Variants in DMBT1 observed in about 807,000 individuals in gnomAD.
The protein encoded by DMBT1 is scavenger receptor cysteine-rich domain-containing protein DMBT1.
DMBT1 carries 198 observed loss-of-function variants against 252.9 expected under a neutral mutation model. The ratio of observed to expected loss-of-function variants is 0.78; its 90% CI spans 0.70 to 0.88. DMBT1 has a LOEUF of 0.88. DMBT1 is among the 40% of genes least tolerant of loss of function. DMBT1 has a pLI of 0.00. For missense variants in DMBT1, 2,432 were observed against 2,404.7 expected, an observed-to-expected ratio of 1.01 and a Z score of -0.24; for synonymous variants, 990 against 942.7, an observed-to-expected ratio of 1.05 and a Z score of -0.92.
chr10:122,568,596 T>A (rs528879512), intron 2 of DMBT1, among the ~76,000 whole-genome samples: 105 of 152,258 alleles, frequency 6.9e-4, no homozygotes, highest in Non-Finnish European at 1.1e-3. Context: ...TCACTGCAGG[T>A]CTGCCTCTGA....
chr10:122,572,391 G>A (rs768857442), intron 5 of DMBT1, 30 bp downstream of exon 5: 12 of 1,609,488 alleles, frequency 7.5e-6, no homozygotes, highest in African/African-American at 1.3e-5. Context: ...AGCTCTATGG[G>A]CTCATTACCC....
chr10:122,567,008 C>G (rs1453648169), intron 2 of DMBT1, among the ~76,000 whole-genome samples: 1 of 152,234 alleles, frequency 6.6e-6, no homozygotes, highest in Non-Finnish European at 1.5e-5. Flanking sequence ...GTCCCTGCCT[C>G]TCCAGTGAGA....
chr10:122,579,700 G>A lies in DMBT1; in HGVS notation c.802G>A (p.Ala268Thr), dbSNP rs771172162. Reference protein sequence around the residue: ...VCDDYWDTNDANVVCRQLGCG... With the variant: ...VCDDYWDTNDTNVVCRQLGCG... ...TGATGACTACTGGGACACCAATGAT[G>A]CCAATGTGGTCTGCAGGCAGCTGGG... is the stretch of plus-strand genomic sequence containing the variant. Residue 268 changes from alanine to threonine, a missense_variant, in exon 10 of 56, where the codon GCC becomes ACC. Coordinates refer to ENST00000338354, the MANE Select transcript of DMBT1 (RefSeq NM_001377530.1). 60 of 1,613,744 alleles carry A rather than the reference G, an allele frequency of 3.7e-5. No individual in the cohort carries two copies. Among genetic ancestry groups the A allele is most frequent in the Non-Finnish European group, 4.8e-5 (57 of 1,179,816 alleles).
chr10:122,600,509 C>T (rs201006852), intron 27 of DMBT1, among the ~76,000 whole-genome samples: 32 of 152,292 alleles, frequency 2.1e-4, no homozygotes, highest in Non-Finnish European at 3.1e-4. Context: ...GGAAACATTC[C>T]GAGATTATCA....
Position 122,590,680 on chromosome 10 carries a change from C to T in DMBT1, c.2123C>T (p.Ser708Leu), listed in dbSNP as rs1339434636. 33 of 1,587,730 alleles carry T rather than the reference C, an allele frequency of 2.1e-5. 1 individual carries two copies. Among genetic ancestry groups the T allele is most frequent in the African/African-American group, 9.4e-5 (7 of 74,458 alleles). ...GVICSAAQSR[S>L]TPRPDTLSTI... ...TTTCTCACAGCTGCCCAGTCCCGGTCGACGCCCAGGCCAGGTGAGTCCCCA... is the reference window on the plus strand; with the variant it reads ...TTTCTCACAGCTGCCCAGTCCCGGTTGACGCCCAGGCCAGGTGAGTCCCCA... The change falls in exon 18 of 56, where the codon TCG becomes TTG. Residue 708 changes from serine (S) to leucine (L), a missense_variant. Physicochemically the swap from Ser to Leu is moderately radical, Grantham distance 145. Around this residue, in one of 3 missense-constraint regions of DMBT1, gnomAD observed 1,264 missense variants for 1,082.2 expected, o/e 1.17. Transcript: ENST00000338354.
chr10:122,630,963 G>A lies in DMBT1; in HGVS notation c.6028G>A (p.Ala2010Thr), dbSNP rs2098160165. The A allele has an allele frequency of 2.5e-6, 4 of 1,593,324 alleles. No individual in the cohort carries two copies. The highest frequency in any genetic ancestry group is 1.1e-5 in the South Asian group (1 of 89,064). Reference protein sequence around the residue: ...LAWYNSFPSDATLRLVNLNSS... With the variant: ...LAWYNSFPSDTTLRLVNLNSS... Reference sequence around the variant, plus strand: ...CTCTCAGTTAATGTGTCTTTCAGATGCCACCTTGAGGTTGGTCAATTTAAA... The same window carrying A: ...CTCTCAGTTAATGTGTCTTTCAGATACCACCTTGAGGTTGGTCAATTTAAA... Residue 2010 changes from alanine to threonine, a missense_variant and splice_region_variant, in exon 49 of 56, where the codon GCC (alanine) becomes ACC (threonine). This residue lies in a region of DMBT1 where 1,162 missense variants were observed against 1,169.0 expected (regional missense o/e 0.99). Transcript: ENST00000338354.
chr10:122,617,441 C>G (rs1369897888), intron 40 of DMBT1, among the ~76,000 whole-genome samples, 181 bp downstream of exon 40: 1 of 151,414 alleles, frequency 6.6e-6, no homozygotes, highest in Non-Finnish European at 1.5e-5. Context: ...ATGGAGGGTG[C>G]TGGTGACTGT....
At chr10:122,619,282 C>T (rs2098037013) in intron 41 of DMBT1, 26 bp from the exon 42 acceptor site, 1 of 1,613,806 alleles carries the variant, frequency 6.2e-7, no homozygotes, top group Admixed American at 1.7e-5. Context: ...TGCATCTGAT[C>T]TGACCTTCTC....
rs545867707 is a variant in DMBT1, at chr10:122,593,534, G to A, written c.2501-35G>A. ...CCAGTTTTGCCGACTTCTGTGTAATGTTCCTGATCTGACCTTCTCTTCTCT... is the reference window on the plus strand; with the variant it reads ...CCAGTTTTGCCGACTTCTGTGTAATATTCCTGATCTGACCTTCTCTTCTCT... On this transcript the variant is annotated intron_variant, in intron 20 of 55. Coordinates refer to ENST00000338354, the MANE Select transcript of DMBT1 (RefSeq NM_001377530.1). The A allele has an allele frequency of 1.3e-5, 21 of 1,585,058 alleles. 1 individual carries two copies. The highest frequency in any genetic ancestry group is 4.7e-5 in the East Asian group (2 of 42,624).
chr10:122,580,295 A>G (rs1319242745), intron 10 of DMBT1, among the ~76,000 whole-genome samples: 1 of 152,206 alleles, frequency 6.6e-6, no homozygotes, highest in Admixed American at 6.5e-5. Context: ...CTTGGCTAAA[A>G]GTGGGTTCTC....
intron 16 of DMBT1, among the ~76,000 whole-genome samples, chr10:122,587,529 A>AT (rs1165825092): frequency 1.4e-5 from 2 of 148,034 alleles, no homozygotes; most frequent in Non-Finnish European, 3.0e-5. Flanking sequence ...CACAGGCTGG[A>AT]TATTTTTTTT....
rs775891492 is a variant in DMBT1 at position 122,579,793 on chromosome 10, G to C, written c.895G>C (p.Asp299His). Residue 299 changes from aspartate to histidine, a missense_variant, in exon 10 of 56, where the codon GAT (aspartate) becomes CAT (histidine). Transcript: ENST00000338354. ...CCAGGGCTCAGGACCCATTGTCCTGGATGATGTGCGCTGCTCAGGACATGA... is the reference window on the plus strand; with the variant it reads ...CCAGGGCTCAGGACCCATTGTCCTGCATGATGTGCGCTGCTCAGGACATGA... ...FGQGSGPIVLDDVRCSGHESY... is the reference protein window; with the variant it reads ...FGQGSGPIVLHDVRCSGHESY... 6.2e-7 allele frequency: 1 copy of C among 1,607,428 alleles called. No homozygotes were observed. Among genetic ancestry groups the C allele is most frequent in the African/African-American group, 1.3e-5 (1 of 74,982 alleles).
intron 52 of DMBT1, among the ~76,000 whole-genome samples, chr10:122,634,430 TTCTCTCTCTCTC>T (rs764559052): frequency 0.034 from 2,547 of 74,058 alleles, 114 homozygotes; most frequent in Non-Finnish European, 0.051. Flanking sequence ...TCTCTCTCTC[TTCTCTCTCTCTC>T]TCTCTCTCTC....
chr10:122,571,815 G>A (rs555239801), intron 4 of DMBT1, among the ~76,000 whole-genome samples: 8 of 152,214 alleles, frequency 5.3e-5, no homozygotes, highest in Admixed American at 2.0e-4. Flanking sequence ...ATCACCAAGT[G>A]GAACTGGGCT....
At chr10:122,630,256 A>G in intron 47 of DMBT1, 32 bp from the exon 48 acceptor site, 1 of 1,596,024 alleles carries the variant, frequency 6.3e-7, no homozygotes, top group Non-Finnish European at 8.6e-7. Context: ...TAGGAATTTC[A>G]ATGTTGACTT....
intron 2 of DMBT1, among the ~76,000 whole-genome samples, chr10:122,568,945 CTG>C: frequency 6.6e-6 from 1 of 152,330 alleles, no homozygotes; most frequent in Admixed American, 6.5e-5. Context: ...ATCTGCAACT[CTG>C]AGTCAATATT....
chr10:122,593,358 A>G (rs969027245), intron 20 of DMBT1, among the ~76,000 whole-genome samples: 7 of 147,844 alleles, frequency 4.7e-5, no homozygotes, highest in African/African-American at 1.5e-4. Context: ...ACACAATTTG[A>G]TCACCTCAGA....
chr10:122,598,027 C>G lies in DMBT1; in HGVS notation c.2956+15C>G. ...ATCGACAGTAGGTAAATATTCCTCTCGCCCCTCCCTAGGGCTCACTCTCTA... is the reference window on the plus strand; with the variant it reads ...ATCGACAGTAGGTAAATATTCCTCTGGCCCCTCCCTAGGGCTCACTCTCTA... On this transcript the variant is annotated intron_variant, in intron 25 of 55. Transcript: ENST00000338354. 6.2e-7 allele frequency: 1 copy of G among 1,613,920 alleles called. No homozygotes were observed. Among genetic ancestry groups the G allele is most frequent in the Non-Finnish European group, 8.5e-7 (1 of 1,179,840 alleles).
chr10:122,640,213 C>G lies in DMBT1; in HGVS notation c.7116C>G (p.Ile2372Met). 1 of 1,614,054 alleles carries G rather than the reference C, an allele frequency of 6.2e-7. No individual in the cohort carries two copies. The highest frequency in any genetic ancestry group is 8.5e-7 in the Non-Finnish European group (1 of 1,179,910). The change falls in exon 55 of 56, where the codon ATC becomes ATG. Residue 2372 changes from isoleucine to methionine, a missense_variant. Ile to Met is a conservative substitution (Grantham distance 10). Transcript: ENST00000338354. ...NDTIHVANNT[I>M]QVEEVQYGNF... is the part of the protein sequence containing the mutation. The stretch of plus-strand genomic sequence containing the variant: ...CCATCCACGTTGCTAATAACACCAT[C>G]CAGGTCGAGGAAGTCCAGTATGGCA...
Sources: allele counts gnomAD v4.1 joint callset (sites outside exome capture counted in the v4.1 genomes callset), GRCh38; gene constraint gnomAD v4.1.1; regional missense constraint gnomAD v4.1.1; transcripts MANE v1.5; gene names NCBI Gene and HGNC (gene_info 2026-07-23, HGNC 2026-07-21).